MTUS2: variants seen among roughly 807,000 people sequenced by gnomAD.
MTUS2 encodes the protein microtubule-associated tumor suppressor candidate 2.
MTUS2 carries 40 observed loss-of-function variants against 114.1 expected under a neutral mutation model. The ratio of observed to expected loss-of-function variants is 0.35; its 90% CI spans 0.27 to 0.46. The LOEUF is 0.46. Ranked by LOEUF, MTUS2 falls within the 20% of genes least tolerant of loss-of-function variation. The probability of loss-of-function intolerance (pLI) is 1.00; values close to 1 mark genes in which losing one functional copy is unlikely to be tolerated. For missense variants in MTUS2, 1,679 were observed against 1,705.4 expected (o/e 0.98, Z 0.27); for synonymous variants, 688 against 672.0 (o/e 1.02, Z -0.37).
At chr13:29,444,508 T>A (rs1878136527) in intron 9 of MTUS2, among the ~76,000 whole-genome samples, 4 of 152,242 alleles carry the variant, frequency 2.6e-5, no homozygotes, top group Admixed American at 2.6e-4. Context: ...CTGATGCATG[T>A]TAGACTCACC....
intron 2 of MTUS2, among the ~76,000 whole-genome samples, chr13:28,898,109 G>A (rs888582131): frequency 6.6e-6 from 1 of 152,126 alleles, no homozygotes; most frequent in Non-Finnish European, 1.5e-5. Context: ...TATAAGATGT[G>A]TTTGATGCAG....
At chr13:29,377,802 A>G (rs1190578686) in intron 8 of MTUS2, among the ~76,000 whole-genome samples, 1 of 152,164 alleles carries the variant, frequency 6.6e-6, no homozygotes, top group Non-Finnish European at 1.5e-5. Context: ...CATAAAAATC[A>G]AGGAGAAAAT....
chr13:29,087,512 G>T (rs1402918705), intron 4 of MTUS2, among the ~76,000 whole-genome samples: 1 of 152,114 alleles, frequency 6.6e-6, no homozygotes, highest in African/African-American at 2.4e-5. Flanking sequence ...CTAGTATTTT[G>T]TTGAAGATTT....
chr13:28,904,896 T>A (rs1400581243), intron 2 of MTUS2, among the ~76,000 whole-genome samples: 1 of 151,864 alleles, frequency 6.6e-6, no homozygotes, highest in Non-Finnish European at 1.5e-5. Flanking sequence ...GCATGGAATG[T>A]TCTTCCATTT....
At chr13:29,201,698 G>C (rs1894965991) in intron 5 of MTUS2, among the ~76,000 whole-genome samples, 1 of 152,136 alleles carries the variant, frequency 6.6e-6, no homozygotes, top group Admixed American at 6.5e-5. Context: ...AGGCAGGCCT[G>C]GTGATGATAA....
At chr13:29,479,810 T>A (rs1019679381) in intron 9 of MTUS2, among the ~76,000 whole-genome samples, 6 of 152,148 alleles carry the variant, frequency 3.9e-5, no homozygotes, top group African/African-American at 1.4e-4. Flanking sequence ...ACGCCCAATA[T>A]TTTTTATGTC....
chr13:29,137,781 TA>T (rs1892045664), intron 5 of MTUS2, among the ~76,000 whole-genome samples: 4 of 42,850 alleles, frequency 9.3e-5, no homozygotes. Context: ...CGTGCCTGGT[TA>T]ATTTTTTTTT....
At chr13:29,390,479 C>T (rs983946113) in intron 8 of MTUS2, among the ~76,000 whole-genome samples, 8 of 151,516 alleles carry the variant, frequency 5.3e-5, no homozygotes, top group Non-Finnish European at 1.2e-4. Flanking sequence ...CATGGTAAAA[C>T]CCTGTCTCTA....
At chr13:29,326,940 A>T (rs970771056) in intron 7 of MTUS2, among the ~76,000 whole-genome samples, 2 of 152,304 alleles carry the variant, frequency 1.3e-5, no homozygotes, top group Middle Eastern at 3.4e-3. Context: ...AGGTCACGCC[A>T]CTACACTCCA....
chr13:29,477,909 A>G (rs1880822970), intron 9 of MTUS2, among the ~76,000 whole-genome samples: 1 of 152,214 alleles, frequency 6.6e-6, no homozygotes, highest in African/African-American at 2.4e-5. Context: ...GACTCACTAC[A>G]TAAATAATTT....
intron 6 of MTUS2, among the ~76,000 whole-genome samples, chr13:29,302,140 A>G (rs1899230261): frequency 6.6e-6 from 1 of 152,252 alleles, no homozygotes; most frequent in South Asian, 2.1e-4. Context: ...AAGTGAATTC[A>G]GCACCTTCAA....
At chr13:29,012,603 G>A (rs570801149) in intron 2 of MTUS2, among the ~76,000 whole-genome samples, 2 of 152,306 alleles carry the variant, frequency 1.3e-5, no homozygotes, top group South Asian at 2.1e-4. Context: ...CCCGGGCGGG[G>A]TGGCCCACAC....
At chr13:28,969,902 T>A (rs1593343873) in intron 2 of MTUS2, among the ~76,000 whole-genome samples, 1 of 152,340 alleles carries the variant, frequency 6.6e-6, no homozygotes, top group East Asian at 1.9e-4. Flanking sequence ...TGCCTCAGCC[T>A]CCTGAGTAGC....
chr13:29,132,592 A>G (rs4325398), intron 5 of MTUS2, among the ~76,000 whole-genome samples: 27,015 of 152,220 alleles, frequency 0.18, 2,788 homozygotes, highest in East Asian at 0.36. Context: ...ACCTCATATA[A>G]TTGGAATCAT....
At chr13:29,318,822 C>T (rs1424733559) in intron 6 of MTUS2, among the ~76,000 whole-genome samples, 4 of 152,158 alleles carry the variant, frequency 2.6e-5, no homozygotes, top group Non-Finnish European at 5.9e-5. Flanking sequence ...AGGCAGCACC[C>T]ACCCCTGTAG....
At chr13:29,119,075 T>TA (rs748467611) in intron 5 of MTUS2, among the ~76,000 whole-genome samples, 1 of 152,200 alleles carries the variant, frequency 6.6e-6, no homozygotes, top group Non-Finnish European at 1.5e-5. Context: ...ACATACAAGA[T>TA]ACGTTTTCTA....
intron 5 of MTUS2, among the ~76,000 whole-genome samples, chr13:29,164,209 C>G (rs1428451988): frequency 6.6e-6 from 1 of 152,234 alleles, no homozygotes; most frequent in Non-Finnish European, 1.5e-5. Context: ...TGTAACCCCT[C>G]ACCAGGAGCG....
At position 29,480,374 on chromosome 13, in the gene MTUS2, C is replaced by T. The variant is rs1280798670; in HGVS notation, c.3399+10C>T. The T allele has an allele frequency of 1.3e-6, 2 of 1,505,692 alleles. No individual in the cohort carries two copies. Among genetic ancestry groups the T allele is most frequent in the Admixed American group, 4.3e-5 (2 of 46,168 alleles). 93.3% of individuals were successfully genotyped at this position (1,505,692 alleles called of 1,614,324 possible). ...TCAACACCAGGAGCAGGTCAGTCTGCAGTGCGGCTCGAGCTCTGCTGTTGG... is the reference window on the plus strand; with the variant it reads ...TCAACACCAGGAGCAGGTCAGTCTGTAGTGCGGCTCGAGCTCTGCTGTTGG... On this transcript the variant is annotated intron_variant, in intron 10 of 15. Transcript: ENST00000612955. The surrounding 1 kb of genome is among the most constrained non-coding windows in gnomAD (Gnocchi z 4.4).
intron 5 of MTUS2, among the ~76,000 whole-genome samples, chr13:29,223,000 G>A (rs372765422): frequency 6.4e-4 from 98 of 152,284 alleles, no homozygotes; most frequent in African/African-American, 2.2e-3. Context: ...GGGTGGCTCA[G>A]TGTGGGCCCA....
Sources: gnomAD v4.1 joint callset for allele counts (sites outside exome capture counted in the v4.1 genomes callset) on GRCh38, gnomAD v4.1.1 for gene constraint, Gnocchi (gnomAD v3.1) non-coding constraint, MANE v1.5 for transcripts, NCBI Gene and HGNC (gene_info 2026-07-23, HGNC 2026-07-21) for gene names.